Variants in SMIM45 observed in about 807,000 individuals in gnomAD.
SMIM45 encodes long intergenic non-protein coding RNA 634.
chr22:41,947,668 C>CTT, the SMIM45 span, among the ~76,000 whole-genome samples: 4 of 146,188 alleles, frequency 2.7e-5, no homozygotes, highest in East Asian at 8.0e-4. Context: ...CGTGCCTGGC[C>CTT]CTTTTTTTTT....
chr22:41,947,002 A>T, the SMIM45 span: 1 of 1,612,012 alleles, frequency 6.2e-7, no homozygotes, highest in Non-Finnish European at 8.5e-7. Flanking sequence ...CGGGGGAAGC[A>T]GGGCCGCCTG....
At chr22:41,950,584 G>A in the SMIM45 span, among the ~76,000 whole-genome samples, 1 of 152,334 alleles carries the variant, frequency 6.6e-6, no homozygotes, top group East Asian at 1.9e-4. Context: ...TGTGGTCCAA[G>A]CTACTCGGGA....
At chr22:41,955,304 C>T in the SMIM45 span, among the ~76,000 whole-genome samples, 3 of 151,980 alleles carry the variant, frequency 2.0e-5, no homozygotes, top group South Asian at 6.2e-4. Context: ...CTCAGCCTGC[C>T]GAGTAGTTGG....
At chr22:41,956,199 C>G in the SMIM45 span, among the ~76,000 whole-genome samples, 1 of 152,020 alleles carries the variant, frequency 6.6e-6, no homozygotes. Context: ...TTAGTAGAGA[C>G]GGGGTTTTGC....
the SMIM45 span, among the ~76,000 whole-genome samples, chr22:41,948,907 A>G: frequency 0.16 from 24,221 of 152,120 alleles, 2,482 homozygotes; most frequent in Non-Finnish European, 0.23. Context: ...TACTACTAAA[A>G]ATACAAAATT....
chr22:41,950,454 T>C, the SMIM45 span, among the ~76,000 whole-genome samples: 1 of 152,030 alleles, frequency 6.6e-6, no homozygotes, highest in Non-Finnish European at 1.5e-5. Context: ...TCCCAGTACT[T>C]TGGGAGGCTG....
At chr22:41,947,533 TA>T in the SMIM45 span, among the ~76,000 whole-genome samples, 1 of 151,814 alleles carries the variant, frequency 6.6e-6, no homozygotes, top group Non-Finnish European at 1.5e-5. Context: ...ACGCCCGACT[TA>T]TTTTTTTATT....
the SMIM45 span, among the ~76,000 whole-genome samples, chr22:41,953,364 C>T: frequency 6.6e-6 from 1 of 152,120 alleles, no homozygotes; most frequent in Non-Finnish European, 1.5e-5. Flanking sequence ...CCCTGCTTTC[C>T]TCCCCAGAAG....
chr22:41,958,020 A>G, the SMIM45 span: 2 of 206,820 alleles, frequency 9.7e-6, no homozygotes, highest in South Asian at 5.2e-5. Flanking sequence ...ATCCCTCTGC[A>G]GCCTGGGCCC....
At chr22:41,947,142 G>A in the SMIM45 span, 2 of 1,528,912 alleles carry the variant, frequency 1.3e-6, no homozygotes, top group Non-Finnish European at 1.8e-6. Flanking sequence ...CCTGAGTCCA[G>A]CCCCTAGAGC....
the SMIM45 span, among the ~76,000 whole-genome samples, chr22:41,948,645 G>A: frequency 6.6e-6 from 1 of 152,088 alleles, no homozygotes; most frequent in Non-Finnish European, 1.5e-5. Flanking sequence ...TAAGCTGAAC[G>A]CCGTGGCTCA....
chr22:41,947,460 C>T, the SMIM45 span, among the ~76,000 whole-genome samples: 1 of 151,598 alleles, frequency 6.6e-6, no homozygotes, highest in African/African-American at 2.4e-5. Context: ...TTCTGCCTCC[C>T]GAGTTTAAGC....
chr22:41,954,826 C>T, the SMIM45 span, among the ~76,000 whole-genome samples: 1 of 151,872 alleles, frequency 6.6e-6, no homozygotes, highest in African/African-American at 2.4e-5. Context: ...GCCAACATGG[C>T]AAAACCCCGT....
At chr22:41,953,995 A>G in the SMIM45 span, among the ~76,000 whole-genome samples, 1 of 151,378 alleles carries the variant, frequency 6.6e-6, no homozygotes, top group Non-Finnish European at 1.5e-5. Context: ...AGTCTCAAAA[A>G]AAAAAAAAAA....
the SMIM45 span, among the ~76,000 whole-genome samples, chr22:41,953,253 C>G: frequency 6.6e-6 from 1 of 151,952 alleles, no homozygotes; most frequent in African/African-American, 2.4e-5. Context: ...CCTCACAGGC[C>G]CACCTGGGAG....
the SMIM45 span, among the ~76,000 whole-genome samples, chr22:41,954,048 C>T: frequency 6.6e-6 from 1 of 150,724 alleles, no homozygotes; most frequent in Non-Finnish European, 1.5e-5. Context: ...GCTTTTGTGT[C>T]TGCTGAATGA....
the SMIM45 span, chr22:41,947,059 G>A: frequency 4.8e-5 from 77 of 1,612,834 alleles, no homozygotes; most frequent in Non-Finnish European, 6.4e-5. Context: ...GCTTGTCCAG[G>A]GGCCTCAACA....
the SMIM45 span, among the ~76,000 whole-genome samples, chr22:41,954,068 T>C: frequency 6.6e-6 from 1 of 152,050 alleles, no homozygotes; most frequent in Non-Finnish European, 1.5e-5. Context: ...AGTTAATTTA[T>C]GTAAAATATT....
At chr22:41,958,344 A>C in the SMIM45 span, 1 of 456,648 alleles carries the variant, frequency 2.2e-6, no homozygotes, top group East Asian at 7.0e-5. Flanking sequence ...CCAAGGAAAG[A>C]ACCTAAGAAC....
Sources: gnomAD v4.1 joint callset for allele counts (sites outside exome capture counted in the v4.1 genomes callset) on GRCh38, gnomAD v4.1.1 for gene constraint, MANE v1.5 for transcripts, NCBI Gene and HGNC (gene_info 2026-07-23, HGNC 2026-07-21) for gene names.